TTLL13: variants seen among roughly 807,000 people sequenced by gnomAD.
TTLL13 encodes the protein tubulin tyrosine ligase like 13, also known as tubulin polyglutamylase TTLL13.
the TTLL13 span, chr15:90,251,416 G>A: frequency 1.0e-5 from 9 of 874,564 alleles, no homozygotes; most frequent in East Asian, 2.7e-5. Context: ...GAGCCACCGC[G>A]CCCAGCCCAT....
At chr15:90,249,827 C>A in the TTLL13 span, 1 of 152,274 alleles carries the variant, frequency 6.6e-6, no homozygotes, top group Non-Finnish European at 1.5e-5. Context: ...TCTCCACCGT[C>A]ACAGCCCAAA....
the TTLL13 span, chr15:90,258,839 G>A: frequency 6.2e-7 from 1 of 1,614,176 alleles, no homozygotes; most frequent in South Asian, 1.1e-5. Flanking sequence ...CAACCTCCGG[G>A]GCTGTGACAA....
chr15:90,256,063 TAGCAGGA>T, the TTLL13 span: 1 of 1,573,524 alleles, frequency 6.4e-7, no homozygotes, highest in Non-Finnish European at 8.7e-7. Context: ...ATGGACTAGA[TAGCAGGA>T]AGAGCTCCAT....
chr15:90,256,563 T>G, the TTLL13 span, among the ~76,000 whole-genome samples: 1 of 40,550 alleles, frequency 2.5e-5, no homozygotes, highest in South Asian at 9.8e-4. Flanking sequence ...CTTTCTTTCT[T>G]TCTTTCTTTC....
At chr15:90,257,619 G>A in the TTLL13 span, 20 of 1,612,534 alleles carry the variant, frequency 1.2e-5, no homozygotes, top group Admixed American at 1.3e-4. Context: ...TGAGACCACA[G>A]GGCCACTCTT....
chr15:90,253,672 TG>T, the TTLL13 span, among the ~76,000 whole-genome samples: 11 of 152,270 alleles, frequency 7.2e-5, no homozygotes, highest in Admixed American at 7.2e-4. Flanking sequence ...GGGAGAATAC[TG>T]GGAGGCAGCT....
chr15:90,254,172 G>A, the TTLL13 span, among the ~76,000 whole-genome samples: 375 of 145,482 alleles, frequency 2.6e-3, 2 homozygotes, highest in Middle Eastern at 0.014. Flanking sequence ...CAGCCTGTGT[G>A]ACAGAGTGAG....
chr15:90,256,001 T>C, the TTLL13 span: 1 of 1,569,178 alleles, frequency 6.4e-7, no homozygotes, highest in Non-Finnish European at 8.7e-7. Flanking sequence ...AATGAGAAAG[T>C]TTCAGCTGGT....
the TTLL13 span, among the ~76,000 whole-genome samples, chr15:90,253,672 T>C: frequency 2.0e-5 from 3 of 152,152 alleles, no homozygotes; most frequent in Non-Finnish European, 4.4e-5. Context: ...GGGAGAATAC[T>C]GGGAGGCAGC....
the TTLL13 span, chr15:90,258,708 C>A: frequency 6.3e-7 from 1 of 1,582,404 alleles, no homozygotes; most frequent in South Asian, 1.1e-5. Flanking sequence ...CTCAGGTGGT[C>A]TGGGAAAGGG....
At chr15:90,258,164 C>A in the TTLL13 span, 3 of 1,614,252 alleles carry the variant, frequency 1.9e-6, no homozygotes, top group Non-Finnish European at 2.5e-6. Flanking sequence ...GCCACAACTA[C>A]CGAACCTGTT....
chr15:90,258,645 G>A, the TTLL13 span: 1 of 1,057,370 alleles, frequency 9.5e-7, no homozygotes, highest in South Asian at 1.4e-5. Context: ...TGAGGCCATG[G>A]GAGAGGAATA....
the TTLL13 span, chr15:90,250,533 G>A: frequency 5.5e-6 from 8 of 1,442,674 alleles, no homozygotes; most frequent in Admixed American, 2.3e-5. Flanking sequence ...CATGAAGGTC[G>A]TTCTGGTGGA....
chr15:90,251,600 C>T, the TTLL13 span: 1 of 1,613,832 alleles, frequency 6.2e-7, no homozygotes, highest in Non-Finnish European at 8.5e-7. Context: ...GAGTGGTAAG[C>T]ACCCAGCCCG....
the TTLL13 span, among the ~76,000 whole-genome samples, chr15:90,256,593 C>CT: frequency 2.6e-5 from 1 of 39,056 alleles, no homozygotes; most frequent in Non-Finnish European, 5.0e-5. Flanking sequence ...TTCTTTCTTT[C>CT]TTTCTTTCTT....
At chr15:90,251,213 A>G in the TTLL13 span, among the ~76,000 whole-genome samples, 75 of 143,140 alleles carry the variant, frequency 5.2e-4, no homozygotes, top group South Asian at 1.1e-3. Context: ...TCCCGGGTTC[A>G]GGCCATTCTC....
At chr15:90,253,066 C>T in the TTLL13 span, among the ~76,000 whole-genome samples, 1 of 152,050 alleles carries the variant, frequency 6.6e-6, no homozygotes, top group South Asian at 2.1e-4. Flanking sequence ...TTGGAAGGGC[C>T]CTGACAGCCC....
At chr15:90,257,841 G>A in the TTLL13 span, 1 of 1,070,634 alleles carries the variant, frequency 9.3e-7, no homozygotes, top group Non-Finnish European at 1.4e-6. Flanking sequence ...AGCCTTTATA[G>A]ACCCTGTCCT....
chr15:90,252,879 T>C, the TTLL13 span, among the ~76,000 whole-genome samples: 1 of 152,036 alleles, frequency 6.6e-6, no homozygotes, highest in Non-Finnish European at 1.5e-5. Flanking sequence ...GGTGGGCGCC[T>C]GTAGTCCCAG....
Sources: allele counts gnomAD v4.1 joint callset (sites outside exome capture counted in the v4.1 genomes callset), GRCh38; gene constraint gnomAD v4.1.1; transcripts MANE v1.5; gene names NCBI Gene and HGNC (gene_info 2026-07-23, HGNC 2026-07-21).